Variants in FBXW7 observed in about 807,000 individuals in gnomAD.
The protein encoded by FBXW7 is F-box and WD repeat domain containing 7, also known as F-box/WD repeat-containing protein 7.
In FBXW7, 11 loss-of-function variants were observed where a neutral mutation model predicts 86.3. That is an observed-to-expected ratio of 0.13 (90% CI 0.08 to 0.21). FBXW7 has a LOEUF of 0.21. FBXW7 is among the 10% of genes least tolerant of loss of function. The pLI, the probability that FBXW7 is intolerant of heterozygous loss-of-function variation, is 1.00. For missense variants in FBXW7, 488 were observed against 847.4 expected (o/e 0.58, Z 5.27); for synonymous variants, 313 against 297.9 (o/e 1.05, Z -0.52).
chr4:152,342,318 C>A (rs1420897700), intron 6 of FBXW7, among the ~76,000 whole-genome samples: 1 of 152,174 alleles, frequency 6.6e-6, no homozygotes, highest in Non-Finnish European at 1.5e-5. Context: ...ACATGGAAGT[C>A]TCTTAATGAG....
chr4:152,484,632 A>T (rs1026123114), intron 2 of FBXW7, among the ~76,000 whole-genome samples: 1 of 152,226 alleles, frequency 6.6e-6, no homozygotes, highest in African/African-American at 2.4e-5. Flanking sequence ...TTAAATGCTC[A>T]GACACAAATT....
chr4:152,425,474 C>A (rs889805964), intron 2 of FBXW7, among the ~76,000 whole-genome samples: 3 of 152,074 alleles, frequency 2.0e-5, no homozygotes, highest in African/African-American at 7.2e-5. Context: ...AAAAATCTTC[C>A]AACATCTCCC....
At chr4:152,466,571 T>C (rs1053264471) in intron 2 of FBXW7, among the ~76,000 whole-genome samples, 1 of 151,354 alleles carries the variant, frequency 6.6e-6, no homozygotes, top group Non-Finnish European at 1.5e-5. Context: ...AAAAAAAAAT[T>C]AAAGACATTT....
intron 4 of FBXW7, among the ~76,000 whole-genome samples, chr4:152,366,981 A>G (rs1313613214): frequency 6.6e-6 from 1 of 152,176 alleles, no homozygotes; most frequent in Admixed American, 6.5e-5. Context: ...TTGTAGGGAC[A>G]TGGATGAAGA....
intron 2 of FBXW7, chr4:152,451,686 G>A (rs180750896): frequency 1.3e-5 from 2 of 151,682 alleles, no homozygotes; most frequent in Admixed American, 1.3e-4. Flanking sequence ...TTCCTACTTG[G>A]GAAGCTAAAG....
chr4:152,512,938 C>T (rs539162016), intron 2 of FBXW7, among the ~76,000 whole-genome samples: 15 of 152,102 alleles, frequency 9.9e-5, no homozygotes, highest in Non-Finnish European at 1.6e-4. Context: ...CTCGGCTCAC[C>T]GCAACCTCCA....
intron 2 of FBXW7, among the ~76,000 whole-genome samples, chr4:152,448,592 T>C (rs151047006): frequency 2.0e-4 from 31 of 152,252 alleles, no homozygotes; most frequent in African/African-American, 6.5e-4. Context: ...CAGCCACACA[T>C]TGACTTGCTC....
At chr4:152,530,108 T>C (rs901308148) in intron 2 of FBXW7, among the ~76,000 whole-genome samples, 11 of 149,426 alleles carry the variant, frequency 7.4e-5, no homozygotes, top group African/African-American at 2.7e-4. Flanking sequence ...CACACGTGTA[T>C]ATATATACGT....
In FBXW7 at chr4:152,321,255, T is replaced by C. The variant is rs542066263; in HGVS notation, c.*1626A>G. The C allele has an allele frequency of 2.6e-5, 6 of 231,022 alleles. No individual in the cohort carries two copies. The highest frequency in any genetic ancestry group is 4.3e-5 in the Non-Finnish European group (5 of 116,450). The allele number at this position is 231,022 out of a possible 1,614,324, so 14.3% of individuals were successfully genotyped here. ...ATTACTTCAGTGGAAGAAACAGGCA[T>C]ACTAACATGAAAAAACACATTTTAT... On this transcript the variant is annotated 3_prime_UTR_variant, in exon 14 of 14. Transcript: ENST00000281708.
In FBXW7 at chr4:152,411,614, G is replaced by T. The variant is rs2126880594; in HGVS notation, c.190C>A (p.Pro64Thr). 1 of 1,613,892 alleles carries T rather than the reference G, an allele frequency of 6.2e-7. No homozygotes were observed. Among genetic ancestry groups the T allele is most frequent in the Non-Finnish European group, 8.5e-7 (1 of 1,179,908 alleles). ...GAATCATTTTGGCCTCCAGGTCTAG[G>T]TTCTACTCCAACAACTTCACCATTC... Reference protein sequence around the residue: ...ARNGEVVGVEPRPGGQNDSQQ... With the variant: ...ARNGEVVGVETRPGGQNDSQQ... The change falls in exon 4 of 14, where the codon CCT becomes ACT. Residue 64 changes from proline (P) to threonine (T), a missense_variant. Physicochemically the swap from Pro to Thr is conservative, Grantham distance 38. Transcript: ENST00000281708.
chr4:152,362,292 T>C (rs150632495), intron 4 of FBXW7, among the ~76,000 whole-genome samples: 1 of 152,282 alleles, frequency 6.6e-6, no homozygotes, highest in Admixed American at 6.5e-5. Context: ...AGTCAATGTA[T>C]GTTCATAATT....
intron 2 of FBXW7, among the ~76,000 whole-genome samples, chr4:152,526,701 A>G (rs1320461847): frequency 6.6e-6 from 1 of 152,216 alleles, no homozygotes; most frequent in African/African-American, 2.4e-5. Flanking sequence ...TAACTGAATT[A>G]GATCCTGCTA....
chr4:152,429,383 C>T (rs894296576), intron 2 of FBXW7, among the ~76,000 whole-genome samples: 125 of 15,740 alleles, frequency 7.9e-3, no homozygotes, highest in African/African-American at 0.027. Context: ...TGGTGGGGGG[C>T]GGCGGGGGAG....
At chr4:152,405,572 T>A (rs1442137725) in intron 4 of FBXW7, among the ~76,000 whole-genome samples, 1 of 152,186 alleles carries the variant, frequency 6.6e-6, no homozygotes, top group Non-Finnish European at 1.5e-5. Context: ...AAATTCATTT[T>A]AAAAAACTCA....
chr4:152,321,493 C>T lies in FBXW7; in HGVS notation c.*1388G>A, dbSNP rs983455661. ...TCGCCTAGGATACAGTGTTAAACCA[C>T]TTTCACAGTTCAGCTTGAGTTGTGG... On this transcript the variant is annotated 3_prime_UTR_variant, in exon 14 of 14. Coordinates refer to ENST00000281708, the MANE Select transcript of FBXW7 (RefSeq NM_001349798.2). The T allele has an allele frequency of 1.7e-5, 4 of 232,992 alleles. No individual in the cohort carries two copies. The highest frequency in any genetic ancestry group is 3.4e-5 in the Non-Finnish European group (4 of 117,700). 14.4% of individuals were successfully genotyped at this position (232,992 alleles called of 1,614,324 possible).
At chr4:152,352,345 A>G in intron 4 of FBXW7, 1 of 1,081,102 alleles carries the variant, frequency 9.2e-7, no homozygotes, top group South Asian at 1.5e-5. Flanking sequence ...AAAACAGAAT[A>G]CCAGACATCC....
At chr4:152,389,594 A>G (rs559724273) in intron 4 of FBXW7, among the ~76,000 whole-genome samples, 28 of 152,180 alleles carry the variant, frequency 1.8e-4, no homozygotes, top group African/African-American at 6.7e-4. Flanking sequence ...AATAGATATT[A>G]AGAGACTCAG....
At position 152,381,132 on chromosome 4, in the gene FBXW7, G is replaced by A. The variant is rs116168101; in HGVS notation, c.501+30171C>T. On this transcript the variant is annotated intron_variant, in intron 4 of 13. Transcript: ENST00000281708. ...CCAACATGGCTGCCACTTGTTTGGCGTAGAAGTGGAAACTACTCAAAAAGA... is the reference window on the plus strand; with the variant it reads ...CCAACATGGCTGCCACTTGTTTGGCATAGAAGTGGAAACTACTCAAAAAGA... 2.7e-3 allele frequency among the ~76,000 whole-genome samples: 408 copies of A among 152,162 alleles called. 1 individual carries two copies. The highest frequency in any genetic ancestry group is 4.8e-3 in the Admixed American group (74 of 15,274).
At chr4:152,412,767 T>C (rs184368745) in intron 2 of FBXW7, among the ~76,000 whole-genome samples, 1 of 152,210 alleles carries the variant, frequency 6.6e-6, no homozygotes, top group Admixed American at 6.5e-5. Flanking sequence ...TGCTGGAAAT[T>C]GTGATTATAG....
Sources: allele counts gnomAD v4.1 joint callset (sites outside exome capture counted in the v4.1 genomes callset), GRCh38; gene constraint gnomAD v4.1.1; transcripts MANE v1.5; gene names NCBI Gene and HGNC (gene_info 2026-07-23, HGNC 2026-07-21).